TMC7: variants seen among roughly 807,000 people sequenced by gnomAD.
TMC7 encodes transmembrane channel-like protein 7.
TMC7 carries 54 observed loss-of-function variants against 82.9 expected under a neutral mutation model. That is an observed-to-expected ratio of 0.65 (90% CI 0.52 to 0.82). The LOEUF (loss-of-function observed/expected upper bound fraction) is 0.82, where lower values mean the gene tolerates loss of function less well. Among genes scored for constraint, TMC7 ranks in the 40% least tolerant of loss-of-function variants. The probability of loss-of-function intolerance (pLI) is 0.00; values close to 1 mark genes in which losing one functional copy is unlikely to be tolerated. For synonymous variants in TMC7, 350 were observed against 337.9 expected, an observed-to-expected ratio of 1.04 and a Z score of -0.39; for missense variants, 820 against 901.2, an observed-to-expected ratio of 0.91 and a Z score of 1.15.
At chr16:18,985,225 C>T (rs140526927) in intron 1 of TMC7, among the ~76,000 whole-genome samples, 1 of 150,574 alleles carries the variant, frequency 6.6e-6, no homozygotes, top group South Asian at 2.1e-4. Context: ...CGCCACTGCA[C>T]TCCAGCCTGG....
At chr16:19,045,496 TACACACACACACAA>T in intron 11 of TMC7, 58 bp downstream of exon 11, 1 of 1,111,910 alleles carries the variant, frequency 9.0e-7, no homozygotes, top group Non-Finnish European at 1.4e-6. Context: ...CACACACACA[TACACACACACACAA>T]CTGGAGGGTC....
intron 1 of TMC7, among the ~76,000 whole-genome samples, chr16:19,005,992 A>T (rs2142161529): frequency 6.6e-6 from 1 of 152,254 alleles, no homozygotes; most frequent in South Asian, 2.1e-4. Flanking sequence ...TATCCGAGAA[A>T]GGCAAAGATT....
intron 1 of TMC7, among the ~76,000 whole-genome samples, chr16:18,996,766 C>T (rs943222050): frequency 9.2e-5 from 14 of 152,104 alleles, no homozygotes; most frequent in Non-Finnish European, 2.9e-5. Flanking sequence ...CAGGCGTCTC[C>T]GCAATTGACT....
At chr16:18,992,031 A>C (rs1436445493) in intron 1 of TMC7, among the ~76,000 whole-genome samples, 1 of 152,216 alleles carries the variant, frequency 6.6e-6, no homozygotes, top group Non-Finnish European at 1.5e-5. Flanking sequence ...AGTCTTTGCT[A>C]TCGTGAATAG....
In TMC7 at chr16:19,035,856, C is replaced by T. The variant is rs759360546; in HGVS notation, c.1005+33C>T. The T allele has an allele frequency of 8.5e-6, 13 of 1,537,228 alleles. No homozygotes were observed. The African/African-American group carries it at 9.7e-5, about 11-fold the overall frequency. On this transcript the variant is annotated intron_variant, in intron 7 of 15. Coordinates refer to ENST00000304381, the MANE Select transcript of TMC7 (RefSeq NM_024847.4). ...CTCCTGAGTTTGTCCGTGGTGGGGT[C>T]CTCACCAGCAAGGTCCTGCCTTTGG...
In TMC7 at chr16:19,016,519, T is replaced by A. The variant is rs1351445359; in HGVS notation, c.381T>A (p.Ser127=). 6.2e-7 allele frequency: 1 copy of A among 1,614,208 alleles called. No individual in the cohort carries two copies. Among genetic ancestry groups the A allele is most frequent in the Non-Finnish European group, 8.5e-7 (1 of 1,180,036 alleles). ...WDQWKRYSSK[S]WKRFLEKARE... ...AGTGGAAGCGGTATAGCAGCAAGTCTTGGAAGAGGTTCCTAGAGAAGGCTC... is the reference window on the plus strand; with the variant it reads ...AGTGGAAGCGGTATAGCAGCAAGTCATGGAAGAGGTTCCTAGAGAAGGCTC... The change falls in exon 3 of 16, where the codon TCT becomes TCA. Residue 127 remains serine (S), a synonymous_variant. Coordinates refer to ENST00000304381, the MANE Select transcript of TMC7 (RefSeq NM_024847.4).
intron 5 of TMC7, among the ~76,000 whole-genome samples, chr16:19,024,895 A>G (rs1960150471): frequency 6.6e-6 from 1 of 151,982 alleles, no homozygotes; most frequent in South Asian, 2.1e-4. Context: ...AGTCCCAGCT[A>G]CTCGGGAGGC....
At chr16:19,060,029 C>G (rs1240073680) in intron 15 of TMC7, 1 of 231,850 alleles carries the variant, frequency 4.3e-6, no homozygotes, top group East Asian at 1.0e-4. Flanking sequence ...GTGCCTTGTA[C>G]TATGCTGGGT....
chr16:19,015,422 T>C (rs891380439), intron 2 of TMC7, among the ~76,000 whole-genome samples: 2 of 151,706 alleles, frequency 1.3e-5, no homozygotes, highest in Non-Finnish European at 2.9e-5. Context: ...CCACTGTGCC[T>C]GGCCCGTCAT....
At chr16:19,022,820 G>A (rs1399694151) in intron 4 of TMC7, among the ~76,000 whole-genome samples, 1 of 152,230 alleles carries the variant, frequency 6.6e-6, no homozygotes, top group African/African-American at 2.4e-5. Context: ...CCTGAGGTCA[G>A]GAGTTCAAGA....
chr16:18,991,916 G>A (rs2038958376), intron 1 of TMC7, among the ~76,000 whole-genome samples: 1 of 152,188 alleles, frequency 6.6e-6, no homozygotes, highest in Admixed American at 6.5e-5. Context: ...TTGCTACAAA[G>A]GACATGAACT....
chr16:19,046,075 A>G (rs1961261752), intron 11 of TMC7, among the ~76,000 whole-genome samples: 1 of 152,142 alleles, frequency 6.6e-6, no homozygotes, highest in South Asian at 2.1e-4. Context: ...CTCAGCATTC[A>G]TTAGTTGCCC....
intron 2 of TMC7, among the ~76,000 whole-genome samples, chr16:19,009,922 CAG>C (rs2039307663): frequency 1.5e-5 from 2 of 135,954 alleles, no homozygotes; most frequent in Non-Finnish European, 3.1e-5. Context: ...GCCTGGGGAA[CAG>C]AGTGAGACTC....
intron 5 of TMC7, among the ~76,000 whole-genome samples, chr16:19,028,964 C>A (rs1202921650): frequency 7.5e-6 from 1 of 132,848 alleles, no homozygotes; most frequent in East Asian, 2.1e-4. Context: ...GAGATTTGCA[C>A]TTTTTAAAAA....
At position 19,016,265 on chromosome 16, in the gene TMC7, T is replaced by A. The variant is rs570485255; in HGVS notation, c.312-185T>A. On this transcript the variant is annotated intron_variant, in intron 2 of 15. Transcript: ENST00000304381. ...GCCACCACACCTGGCTAATTTTGTA[T>A]TTTTAGTAGAGATGGTGTTTCACCA... is the stretch of plus-strand genomic sequence containing the variant. 1.6e-4 allele frequency among the ~76,000 whole-genome samples: 24 copies of A among 151,920 alleles called. No homozygotes were observed. The East Asian group carries it at 2.3e-3, about 15-fold the overall frequency.
chr16:19,029,030 G>C (rs965728797), intron 5 of TMC7, among the ~76,000 whole-genome samples: 1 of 150,454 alleles, frequency 6.6e-6, no homozygotes. Flanking sequence ...TTTTGAGACA[G>C]AGTCTTGCTC....
intron 1 of TMC7, among the ~76,000 whole-genome samples, chr16:18,985,298 G>A (rs2038826266): frequency 1.3e-5 from 2 of 151,530 alleles, no homozygotes. Flanking sequence ...TAAAACATGA[G>A]TGTAGATTTG....
At chr16:19,030,495 G>A (rs1405184033) in intron 6 of TMC7, 126 bp downstream of exon 6, 4 of 1,115,884 alleles carry the variant, frequency 3.6e-6, no homozygotes, top group African/African-American at 3.2e-5. Flanking sequence ...TGTGGGGAAG[G>A]GTTTGTGAGT....
chr16:18,996,532 G>A (rs1367017167), intron 1 of TMC7, among the ~76,000 whole-genome samples: 1 of 152,184 alleles, frequency 6.6e-6, no homozygotes, highest in East Asian at 1.9e-4. Context: ...AGTTTGTATT[G>A]GGGCCAAGCA....
Sources: gnomAD v4.1 joint callset for allele counts (sites outside exome capture counted in the v4.1 genomes callset) on GRCh38, gnomAD v4.1.1 for gene constraint, MANE v1.5 for transcripts, NCBI Gene and HGNC (gene_info 2026-07-23, HGNC 2026-07-21) for gene names.